The following ZNF587 variants were observed in gnomAD, a reference collection of about 807,000 sequenced individuals.
ZNF587 encodes zinc finger protein 587.
In ZNF587, 8 loss-of-function variants were observed where a neutral mutation model predicts 7.5. The observed-to-expected ratio is 1.06, with a 90% CI of 0.62 to 1.92. The LOEUF (loss-of-function observed/expected upper bound fraction) is 1.92, where lower values mean the gene tolerates loss of function less well. ZNF587 is among the 40% of genes most tolerant of loss of function. The pLI is 0.00. For synonymous variants in ZNF587, 145 were observed against 237.8 expected (o/e 0.61, Z 3.59); for missense variants, 468 against 692.8 (o/e 0.68, Z 3.64).
At position 57,856,167 on chromosome 19, in the gene ZNF587, A is replaced by C; in HGVS notation, c.97A>C (p.Ser33Arg). Reference protein sequence around the residue: ...NFSQEEWCLLSEAQRCLYRDV... With the variant: ...NFSQEEWCLLREAQRCLYRDV... ...TTCCCAGGAGGAGTGGTGTCTTCTT[A>C]GTGAGGCTCAGAGGTGCTTGTACCG... Residue 33 changes from serine to arginine, a missense_variant, in exon 2 of 3, where the codon AGT (serine) becomes CGT (arginine). Coordinates refer to ENST00000339656, the MANE Select transcript of ZNF587 (RefSeq NM_032828.4). The C allele has an allele frequency of 6.2e-7, 1 of 1,613,070 alleles. No individual in the cohort carries two copies. Among genetic ancestry groups the C allele is most frequent in the Non-Finnish European group, 8.5e-7 (1 of 1,179,502 alleles).
chr19:57,861,821 A>C lies in ZNF587; in HGVS notation c.*1681A>C, dbSNP rs1333630626. On this transcript the variant is annotated 3_prime_UTR_variant, in exon 3 of 3. Coordinates refer to ENST00000339656, the MANE Select transcript of ZNF587 (RefSeq NM_032828.4). ...GGAGTCTAGCTCTGTCTCCTAAGCT[A>C]CAGTGAAGTGGCATGATCTCGGCCC... The C allele has an allele frequency of 7.5e-6, 1 of 132,940 alleles. No homozygotes were observed. The highest frequency in any genetic ancestry group is 2.3e-4 in the East Asian group (1 of 4,338). The allele number at this position is 132,940 out of a possible 1,614,324, so 8.2% of individuals were successfully genotyped here.
intron 1 of ZNF587, among the ~76,000 whole-genome samples, chr19:57,853,428 A>G (rs138717074): frequency 6.6e-6 from 1 of 152,306 alleles, no homozygotes; most frequent in African/African-American, 2.4e-5. Flanking sequence ...TATGAAAGCT[A>G]ATGAGTGAAC....
rs767314772 is a variant in ZNF587, at chr19:57,859,598, G to A, written c.1186G>A (p.Val396Ile). Reference protein sequence around the residue: ...GKSFGQKGNLVHHQRGHTGER... With the variant: ...GKSFGQKGNLIHHQRGHTGER... ...ATCTTTTGGTCAAAAGGGCAACCTC[G>A]TTCACCATCAGCGAGGTCATACTGG... is the stretch of plus-strand genomic sequence containing the variant. Residue 396 changes from valine (V) to isoleucine (I), a missense_variant, in exon 3 of 3, where the codon GTT becomes ATT. By Grantham distance (29) the Val-to-Ile change is conservative. Around this residue, in one of 5 missense-constraint regions of ZNF587, gnomAD observed 310 missense variants for 325.6 expected, o/e 0.95. Transcript: ENST00000339656. 3.0e-5 allele frequency: 48 copies of A among 1,613,802 alleles called. No individual in the cohort carries two copies. The highest frequency in any genetic ancestry group is 2.8e-4 in the African/African-American group (21 of 74,800).
intron 1 of ZNF587, chr19:57,852,105 G>T (rs10425579): frequency 0.43 from 157,858 of 369,894 alleles, 35,924 homozygotes; most frequent in African/African-American, 0.63. Flanking sequence ...CCATCTACAG[G>T]TTCTCTAGCT....
Position 57,859,656 on chromosome 19 carries a change from A to G in ZNF587, c.1244A>G (p.Lys415Arg). Residue 415 changes from lysine (K) to arginine (R), a missense_variant, in exon 3 of 3, where the codon AAA becomes AGA. Physicochemically the swap from Lys to Arg is conservative, Grantham distance 26 (BLOSUM62 2). Around this residue, in one of 5 missense-constraint regions of ZNF587, gnomAD observed 310 missense variants for 325.6 expected, o/e 0.95. Transcript: ENST00000339656. The stretch of plus-strand genomic sequence containing the variant: ...CCCTATGAGTGCAAGGAATGTGGGA[A>G]ATCATTTAGGTACAGATCCCACCTC... ...ERPYECKECG[K>R]SFRYRSHLTE... 1 of 1,613,976 alleles carries G rather than the reference A, an allele frequency of 6.2e-7. No individual in the cohort carries two copies. Among genetic ancestry groups the G allele is most frequent in the Non-Finnish European group, 8.5e-7 (1 of 1,180,006 alleles).
Position 57,856,247 on chromosome 19 carries a change from G to C in ZNF587, c.163+14G>C. ...TATCCTCGCTGGGTAAGTTGCTCAC[G>C]CTCACCTTTGTGACCTGAGCTAGTG... On this transcript the variant is annotated intron_variant, in intron 2 of 2. Coordinates refer to ENST00000339656, the MANE Select transcript of ZNF587 (RefSeq NM_032828.4). 6.4e-7 allele frequency: 1 copy of C among 1,558,274 alleles called. No homozygotes were observed. The highest frequency in any genetic ancestry group is 8.7e-7 in the Non-Finnish European group (1 of 1,152,082).
chr19:57,850,125 A>G, intron 1 of ZNF587, 54 bp downstream of exon 1: 1 of 1,614,106 alleles, frequency 6.2e-7, no homozygotes, highest in South Asian at 1.1e-5. Context: ...CCCAGGTCCT[A>G]AACCAGCGAG....
chr19:57,863,856 A>C lies in ZNF587; in HGVS notation c.*3716A>C, dbSNP rs1265011789. 6.6e-6 allele frequency: 1 copy of C among 151,520 alleles called. No homozygotes were observed. The highest frequency in any genetic ancestry group is 1.5e-5 in the Non-Finnish European group (1 of 67,936). 9.4% of individuals were successfully genotyped at this position (151,520 alleles called of 1,614,324 possible). ...TCAGGAGTTCAAGACCACCCTGGCC[A>C]ATATTGTGAATTCCTGTCTCTACTA... On this transcript the variant is annotated 3_prime_UTR_variant, in exon 3 of 3. Transcript: ENST00000339656.
intron 1 of ZNF587, chr19:57,853,741 A>C (rs565502113): frequency 5.3e-5 from 8 of 152,008 alleles, no homozygotes; most frequent in African/African-American, 1.9e-4. Context: ...GTTGGTGCCA[A>C]AGTTGTAACT....
At position 57,857,614 on chromosome 19, in the gene ZNF587, G is replaced by GTATATATA. The variant is rs148150934; in HGVS notation, c.164-956_164-949dup. The stretch of plus-strand genomic sequence containing the variant: ...TAGATGTATATATATGTGTGTATGT[G>GTATATATA]TATATATATATATGTGTGTGTGTAT... On this transcript the variant is annotated intron_variant, in intron 2 of 2. Coordinates refer to ENST00000339656, the MANE Select transcript of ZNF587 (RefSeq NM_032828.4). Among the ~76,000 whole-genome samples, 166 of 150,864 alleles carry GTATATATA rather than the reference G, an allele frequency of 1.1e-3. 2 individuals are homozygous for GTATATATA. Among genetic ancestry groups the GTATATATA allele is most frequent in the African/African-American group, 3.6e-3 (149 of 40,904 alleles).
intron 1 of ZNF587, among the ~76,000 whole-genome samples, chr19:57,854,958 G>C (rs1428738776): frequency 6.6e-6 from 1 of 151,398 alleles, no homozygotes; most frequent in African/African-American, 2.4e-5. Context: ...GGGTGGATCA[G>C]GAAGTATGGA....
Position 57,863,459 on chromosome 19 carries a change from C to CAG in ZNF587, c.*3320_*3321dup, listed in dbSNP as rs2071462992. On this transcript the variant is annotated 3_prime_UTR_variant, in exon 3 of 3. Transcript: ENST00000339656. ...AGAGACGGGGTTTTACTGTATTTGCCAGGATGGTCTCGATCTCCAGACCTC... is the reference window on the plus strand; with the variant it reads ...AGAGACGGGGTTTTACTGTATTTGCCAGAGGATGGTCTCGATCTCCAGACCTC... The CAG allele has an allele frequency of 6.6e-6, 1 of 152,128 alleles. No homozygotes were observed. The highest frequency in any genetic ancestry group is 6.6e-5 in the Admixed American group (1 of 15,256). 9.4% of individuals were successfully genotyped at this position (152,128 alleles called of 1,614,324 possible). A position where few individuals can be genotyped will look rare whatever the true frequency, so the allele number is the denominator to read the frequency against.
chr19:57,864,686 T>A lies in ZNF587; in HGVS notation c.*4546T>A, dbSNP rs772512847. The A allele has an allele frequency of 7.2e-5, 11 of 152,198 alleles. No homozygotes were observed. Among genetic ancestry groups the A allele is most frequent in the Non-Finnish European group, 1.6e-4 (11 of 68,032 alleles). 9.4% of individuals were successfully genotyped at this position (152,198 alleles called of 1,614,324 possible). A position where few individuals can be genotyped will look rare whatever the true frequency, so the allele number is the denominator to read the frequency against. On this transcript the variant is annotated 3_prime_UTR_variant, in exon 3 of 3. Coordinates refer to ENST00000339656, the MANE Select transcript of ZNF587 (RefSeq NM_032828.4). ...GATCTTTGATGATTTTTAATCAACA[T>A]AGGAGTTTCAATGATATCTAGAAGT...
rs1172027573 is a variant in ZNF587, at chr19:57,863,946, G to C, written c.*3806G>C. 6.6e-6 allele frequency: 1 copy of C among 150,556 alleles called. No homozygotes were observed. The highest frequency in any genetic ancestry group is 2.4e-5 in the African/African-American group (1 of 40,922). 9.3% of individuals were successfully genotyped at this position (150,556 alleles called of 1,614,324 possible). On this transcript the variant is annotated 3_prime_UTR_variant, in exon 3 of 3. Transcript: ENST00000339656. ...TAGTCCCAGCTACTCGGGAGGCTGA[G>C]GCCAGAAAATCGGTTGAACCTGGGA...
rs1341080717 is a variant in ZNF587 at position 57,850,323 on chromosome 19, G to T, written c.33+252G>T. 15 of 639,612 alleles carry T rather than the reference G, an allele frequency of 2.3e-5. No individual in the cohort carries two copies. In the South Asian group the frequency reaches 3.1e-4, roughly 13 times the overall value. 39.6% of individuals were successfully genotyped at this position (639,612 alleles called of 1,614,324 possible). On this transcript the variant is annotated intron_variant, in intron 1 of 2. Coordinates refer to ENST00000339656, the MANE Select transcript of ZNF587 (RefSeq NM_032828.4). ...TTCACGCAGAGCCGTCCTGCTGTTC[G>T]GGAGACAGGAGTTTTATTATTCAAA... is the stretch of plus-strand genomic sequence containing the variant.
intron 1 of ZNF587, chr19:57,850,721 C>T (rs572644314): frequency 1.0e-5 from 4 of 395,966 alleles, no homozygotes; most frequent in South Asian, 1.4e-4. Flanking sequence ...GGCTTCCTGG[C>T]GGCCCAGAGC....
At position 57,864,515 on chromosome 19, in the gene ZNF587, C is replaced by T. The variant is rs1282984085; in HGVS notation, c.*4375C>T. ...GAAATGTGAATAAGATTGTAAGTTA[C>T]AAATAGCAAGGTACAGTCAGATGTT... is the stretch of plus-strand genomic sequence containing the variant. On this transcript the variant is annotated 3_prime_UTR_variant, in exon 3 of 3. Coordinates refer to ENST00000339656, the MANE Select transcript of ZNF587 (RefSeq NM_032828.4). The T allele has an allele frequency of 6.6e-6, 1 of 151,992 alleles. No homozygotes were observed. The highest frequency in any genetic ancestry group is 2.4e-5 in the African/African-American group (1 of 41,350). 9.4% of individuals were successfully genotyped at this position (151,992 alleles called of 1,614,324 possible). A position where few individuals can be genotyped will look rare whatever the true frequency, so the allele number is the denominator to read the frequency against.
intron 1 of ZNF587, among the ~76,000 whole-genome samples, chr19:57,853,138 C>T (rs965078911): frequency 3.9e-5 from 6 of 152,176 alleles, no homozygotes; most frequent in African/African-American, 1.4e-4. Flanking sequence ...TAGGCACGAG[C>T]CACCATGCCT....
intron 2 of ZNF587, chr19:57,858,270 G>A (rs1240801114): frequency 1.1e-5 from 4 of 373,940 alleles, no homozygotes; most frequent in Non-Finnish European, 1.9e-5. Context: ...GGGATTACAG[G>A]TGTCCACAAC....
Sources: allele counts gnomAD v4.1 joint callset (sites outside exome capture counted in the v4.1 genomes callset), GRCh38; gene constraint gnomAD v4.1.1; regional missense constraint gnomAD v4.1.1; transcripts MANE v1.5; gene names NCBI Gene and HGNC (gene_info 2026-07-23, HGNC 2026-07-21).